The following ZDHHC2 variants were observed in gnomAD, a reference collection of about 807,000 sequenced individuals.
The protein encoded by ZDHHC2 is palmitoyltransferase ZDHHC2.
In ZDHHC2, 51 loss-of-function variants were observed where a neutral mutation model predicts 55.6. That is an observed-to-expected ratio of 0.92 (90% CI 0.73 to 1.16). The LOEUF (loss-of-function observed/expected upper bound fraction) is 1.16, where lower values mean the gene tolerates loss of function less well. ZDHHC2 is among the 50% of genes most tolerant of loss of function. The pLI is 0.00. For synonymous variants in ZDHHC2, 199 were observed against 152.9 expected (o/e 1.30, Z -2.22); for missense variants, 491 against 442.4 (o/e 1.11, Z -0.99).
At chr8:17,156,946 G>T in intron 1 of ZDHHC2, 93 bp downstream of exon 1, 12 of 1,238,344 alleles carry the variant, frequency 9.7e-6, no homozygotes, top group Non-Finnish European at 1.2e-5. Flanking sequence ...CTCGCCCCCC[G>T]GATGCGCCCC....
intron 6 of ZDHHC2, among the ~76,000 whole-genome samples, chr8:17,199,980 C>T (rs1313095175): frequency 2.0e-5 from 3 of 152,052 alleles, no homozygotes; most frequent in Non-Finnish European, 2.9e-5. Flanking sequence ...TGGTCTCGAA[C>T]TCTTGACCTT....
chr8:17,207,408 C>A (rs901073362), intron 7 of ZDHHC2, among the ~76,000 whole-genome samples: 1 of 151,998 alleles, frequency 6.6e-6, no homozygotes, highest in Non-Finnish European at 1.5e-5. Flanking sequence ...TGGTGTTGAT[C>A]TTTTCTGTGG....
At chr8:17,198,291 GT>G in intron 5 of ZDHHC2, 89 bp from the exon 6 acceptor site, 1 of 1,263,950 alleles carries the variant, frequency 7.9e-7, no homozygotes, top group Non-Finnish European at 1.1e-6. Flanking sequence ...TGCCGCAGCT[GT>G]TTGAACTAAC....
chr8:17,217,065 C>A, intron 11 of ZDHHC2, 107 bp from the exon 12 acceptor site: 1 of 1,012,230 alleles, frequency 9.9e-7, no homozygotes, highest in Non-Finnish European at 1.5e-6. Flanking sequence ...ATGTACAAGG[C>A]ACCTTTGGAA....
intron 10 of ZDHHC2, 24 bp downstream of exon 10, chr8:17,210,504 T>G (rs1548350): frequency 0.63 from 988,793 of 1,564,406 alleles, 326,852 homozygotes; most frequent in Non-Finnish European, 0.69. Flanking sequence ...TTTTTTCATT[T>G]TACTTTCAAA....
At chr8:17,189,019 C>G (rs1057158938) in intron 3 of ZDHHC2, among the ~76,000 whole-genome samples, 1 of 151,942 alleles carries the variant, frequency 6.6e-6, no homozygotes, top group South Asian at 2.1e-4. Context: ...CCGCACTGCT[C>G]CCTGCTCCCA....
chr8:17,205,522 G>C, intron 6 of ZDHHC2, 133 bp from the exon 7 acceptor site: 2 of 1,065,414 alleles, frequency 1.9e-6, no homozygotes, highest in Non-Finnish European at 2.6e-6. Flanking sequence ...TATGCATAAA[G>C]AAATCTTATG....
rs1251992318 is a variant in ZDHHC2, at chr8:17,193,142, A to G, written c.253-2362A>G. 3.3e-5 allele frequency among the ~76,000 whole-genome samples: 5 copies of G among 152,278 alleles called. No individual in the cohort carries two copies. The South Asian group carries it at 8.3e-4, about 25-fold the overall frequency. On this transcript the variant is annotated intron_variant, in intron 3 of 12. Coordinates refer to ENST00000262096, the MANE Select transcript of ZDHHC2 (RefSeq NM_016353.5). ...CTTTTTACTCAGGATAGTTTTGGCT[A>G]TTCTGGGTCTTTTGTGATTCCATAT...
intron 7 of ZDHHC2, among the ~76,000 whole-genome samples, chr8:17,206,861 T>A (rs1384631318): frequency 6.6e-6 from 1 of 152,192 alleles, no homozygotes; most frequent in East Asian, 1.9e-4. Context: ...TTATGTGAGA[T>A]TTGAACCAAA....
chr8:17,210,201 C>T (rs1001478346), intron 9 of ZDHHC2, 143 bp downstream of exon 9: 3 of 1,123,982 alleles, frequency 2.7e-6, no homozygotes, highest in South Asian at 1.7e-5. Flanking sequence ...CTATGATTCA[C>T]CATAATATCA....
intron 4 of ZDHHC2, 117 bp from the exon 5 acceptor site, chr8:17,197,465 C>A: frequency 1.2e-6 from 1 of 839,088 alleles, no homozygotes; most frequent in Non-Finnish European, 1.8e-6. Context: ...ATTTTTTTAC[C>A]ATATTTAAAT....
intron 1 of ZDHHC2, among the ~76,000 whole-genome samples, chr8:17,182,950 C>T (rs1023343133): frequency 3.0e-4 from 46 of 152,136 alleles, no homozygotes; most frequent in Admixed American, 2.6e-3. Flanking sequence ...TTAGTAGAGA[C>T]GGGGTTTTGC....
intron 10 of ZDHHC2, among the ~76,000 whole-genome samples, chr8:17,213,138 G>A (rs190483134): frequency 5.3e-5 from 8 of 152,180 alleles, no homozygotes; most frequent in Admixed American, 2.0e-4. Context: ...TCAGTGAGCT[G>A]TGTCTTCTCT....
At chr8:17,191,130 T>A (rs1390131129) in intron 3 of ZDHHC2, among the ~76,000 whole-genome samples, 1 of 151,838 alleles carries the variant, frequency 6.6e-6, no homozygotes, top group African/African-American at 2.4e-5. Flanking sequence ...CCCGGCTATT[T>A]TTTGTGGTTT....
At chr8:17,176,448 A>G (rs972213880) in intron 1 of ZDHHC2, among the ~76,000 whole-genome samples, 5 of 152,160 alleles carry the variant, frequency 3.3e-5, no homozygotes, top group African/African-American at 1.2e-4. Flanking sequence ...TAGGTCTTCA[A>G]AAGTCAAGAT....
chr8:17,160,329 G>T (rs976381555), intron 1 of ZDHHC2, among the ~76,000 whole-genome samples: 8 of 152,100 alleles, frequency 5.3e-5, no homozygotes, highest in African/African-American at 1.9e-4. Flanking sequence ...CCTTAGGCAG[G>T]TGCTATGGGA....
rs1465427129 is a variant in ZDHHC2 at position 17,156,788 on chromosome 8, C to T, written c.65C>T (p.Pro22Leu). 1.3e-6 allele frequency: 2 copies of T among 1,521,572 alleles called. No individual in the cohort carries two copies. The highest frequency in any genetic ancestry group is 1.8e-6 in the Non-Finnish European group (2 of 1,133,414). 94.3% of individuals were successfully genotyped at this position (1,521,572 alleles called of 1,614,324 possible). A position where few individuals can be genotyped will look rare whatever the true frequency, so the allele number is the denominator to read the frequency against. Reference protein sequence around the residue: ...RRCRRVLYWIPVVFITLLLGW... With the variant: ...RRCRRVLYWILVVFITLLLGW... ...TGCCGGCGGGTGCTGTACTGGATCC[C>T]GGTGGTGTTCATCACCCTCCTGCTC... Residue 22 changes from proline to leucine, a missense_variant, in exon 1 of 13, where the codon CCG (proline) becomes CTG (leucine). Coordinates refer to ENST00000262096, the MANE Select transcript of ZDHHC2 (RefSeq NM_016353.5).
intron 6 of ZDHHC2, among the ~76,000 whole-genome samples, chr8:17,199,027 A>G (rs2150926827): frequency 6.6e-6 from 1 of 152,298 alleles, no homozygotes; most frequent in South Asian, 2.1e-4. Context: ...CAGTGTAGGC[A>G]TATCTCTGAC....
chr8:17,189,451 C>G (rs1004475773), intron 3 of ZDHHC2, among the ~76,000 whole-genome samples: 1 of 152,210 alleles, frequency 6.6e-6, no homozygotes, highest in Admixed American at 6.5e-5. Context: ...TCTTTGTTCA[C>G]TGCTTCATCA....
Sources: allele counts gnomAD v4.1 joint callset (sites outside exome capture counted in the v4.1 genomes callset), GRCh38; gene constraint gnomAD v4.1.1; transcripts MANE v1.5; gene names NCBI Gene and HGNC (gene_info 2026-07-23, HGNC 2026-07-21).